VWA8: variants seen among roughly 807,000 people sequenced by gnomAD.
The protein encoded by VWA8 is von Willebrand factor A domain-containing protein 8.
VWA8 carries 221 observed loss-of-function variants against 241.5 expected under a neutral mutation model. The ratio of observed to expected loss-of-function variants is 0.91; its 90% CI spans 0.82 to 1.02. The LOEUF is 1.02. VWA8 is among the 50% of genes least tolerant of loss of function. The pLI is 0.00. For missense variants in VWA8, 2,322 were observed against 2,328.7 expected (o/e 1.00, Z 0.06); for synonymous variants, 852 against 827.1 (o/e 1.03, Z -0.52).
intron 37 of VWA8, among the ~76,000 whole-genome samples, chr13:41,661,407 C>T (rs2044949334): frequency 6.6e-6 from 1 of 152,086 alleles, no homozygotes; most frequent in Non-Finnish European, 1.5e-5. Flanking sequence ...GTTGGTAATG[C>T]TGCCTGGGCT....
chr13:41,644,832 T>C (rs556471358), intron 37 of VWA8, among the ~76,000 whole-genome samples: 3 of 152,272 alleles, frequency 2.0e-5, no homozygotes, highest in Non-Finnish European at 4.4e-5. Flanking sequence ...GTGATGTTTT[T>C]GTAACCAGAA....
chr13:41,631,839 C>T (rs117840756), intron 37 of VWA8, among the ~76,000 whole-genome samples: 178 of 152,254 alleles, frequency 1.2e-3, no homozygotes, highest in Non-Finnish European at 1.8e-3. Context: ...AAACAATTGG[C>T]ACAGCACTGG....
chr13:41,947,704 G>A (rs1877912646), intron 2 of VWA8, among the ~76,000 whole-genome samples: 1 of 152,090 alleles, frequency 6.6e-6, no homozygotes, highest in South Asian at 2.1e-4. Flanking sequence ...GGAGGCTGAG[G>A]TGGGCGGATC....
chr13:41,608,930 T>A (rs533947383), intron 39 of VWA8, among the ~76,000 whole-genome samples: 1 of 152,328 alleles, frequency 6.6e-6, no homozygotes, highest in South Asian at 2.1e-4. Context: ...AGGAACCCAC[T>A]TAGCAGCATT....
At chr13:41,798,588 T>G (rs1375967321) in intron 17 of VWA8, among the ~76,000 whole-genome samples, 1 of 152,230 alleles carries the variant, frequency 6.6e-6, no homozygotes, top group African/African-American at 2.4e-5. Flanking sequence ...CTGTGCAGTA[T>G]CATCACAATG....
chr13:41,694,423 A>G (rs546398817), intron 29 of VWA8, among the ~76,000 whole-genome samples: 2 of 152,160 alleles, frequency 1.3e-5, no homozygotes, highest in South Asian at 4.1e-4. Context: ...ATCATTCTGT[A>G]TAAGATATAA....
intron 26 of VWA8, among the ~76,000 whole-genome samples, chr13:41,706,158 C>T (rs1308401451): frequency 6.6e-6 from 1 of 152,188 alleles, no homozygotes; most frequent in Non-Finnish European, 1.5e-5. Flanking sequence ...AGTAACTTTG[C>T]TCAACTTTCA....
chr13:41,751,412 G>C (rs980913334), intron 21 of VWA8, among the ~76,000 whole-genome samples: 2 of 152,140 alleles, frequency 1.3e-5, no homozygotes, highest in Non-Finnish European at 2.9e-5. Flanking sequence ...GCTGACATTG[G>C]ACAGGGCTCC....
chr13:41,702,949 T>C (rs1177245077), intron 27 of VWA8, among the ~76,000 whole-genome samples: 1 of 152,160 alleles, frequency 6.6e-6, no homozygotes, highest in Non-Finnish European at 1.5e-5. Context: ...CGGACAGTTC[T>C]TTACTTTACT....
chr13:41,729,420 A>C, intron 23 of VWA8, 122 bp downstream of exon 23: 1 of 960,152 alleles, frequency 1.0e-6, no homozygotes, highest in Non-Finnish European at 1.5e-6. Flanking sequence ...AATACAGGCA[A>C]CTTAAGTCAT....
chr13:41,907,602 G>C lies in VWA8; in HGVS notation c.467C>G (p.Ala156Gly). 1 of 1,614,144 alleles carries C rather than the reference G, an allele frequency of 6.2e-7. No homozygotes were observed. The highest frequency in any genetic ancestry group is 1.1e-5 in the South Asian group (1 of 91,088). The change falls in exon 4 of 45, where the codon GCC (alanine) becomes GGC (glycine). Residue 156 changes from alanine to glycine, a missense_variant. Transcript: ENST00000379310. ...AGAACTTGCCTGATCAATGTAAAAG[G>C]CTGTGCCTGCACGGATCTCTCGTCG... ...KQRREIRAGTAFYIDQCAVRA... is the reference protein window; with the variant it reads ...KQRREIRAGTGFYIDQCAVRA...
chr13:41,766,516 T>C (rs560618814), intron 20 of VWA8, among the ~76,000 whole-genome samples: 2 of 152,282 alleles, frequency 1.3e-5, no homozygotes, highest in South Asian at 4.1e-4. Context: ...TCTGTGACTC[T>C]CACTCAAACA....
intron 9 of VWA8, among the ~76,000 whole-genome samples, chr13:41,874,472 G>A (rs1873803794): frequency 6.6e-6 from 1 of 152,018 alleles, no homozygotes; most frequent in Non-Finnish European, 1.5e-5. Flanking sequence ...AAGCTGATAA[G>A]CAACTTCAGC....
chr13:41,853,969 A>G (rs1373703340), intron 12 of VWA8, among the ~76,000 whole-genome samples: 2 of 151,894 alleles, frequency 1.3e-5, no homozygotes, highest in African/African-American at 4.9e-5. Flanking sequence ...ATTCCAAGAT[A>G]TACATGTTTT....
rs77311319 is a variant in VWA8 at position 41,889,933 on chromosome 13, C to T, written c.651+1487G>A. On this transcript the variant is annotated intron_variant, in intron 5 of 44. Transcript: ENST00000379310. ...AAGCATCTAAAGAGAAAACGTTCTG[C>T]ATAATAGCCTTTTAAAAAATAAAGT... Among the ~76,000 whole-genome samples, 262 of 152,282 alleles carry T rather than the reference C, an allele frequency of 1.7e-3. 2 individuals are homozygous for T. The highest frequency in any genetic ancestry group is 5.8e-3 in the African/African-American group (241 of 41,562).
At chr13:41,683,747 T>C (rs1171316647) in intron 35 of VWA8, among the ~76,000 whole-genome samples, 1 of 152,084 alleles carries the variant, frequency 6.6e-6, no homozygotes. Context: ...GGATGGGATA[T>C]TGGTAACAGA....
At chr13:41,755,115 G>C (rs1283033842) in intron 21 of VWA8, among the ~76,000 whole-genome samples, 3 of 151,894 alleles carry the variant, frequency 2.0e-5, no homozygotes, top group Non-Finnish European at 4.4e-5. Context: ...TCTTTCTTGT[G>C]GGTATATACC....
intron 20 of VWA8, 99 bp downstream of exon 20, chr13:41,777,886 T>G: frequency 9.7e-7 from 1 of 1,033,980 alleles, no homozygotes; most frequent in Non-Finnish European, 1.4e-6. Flanking sequence ...AGTCATTTAA[T>G]AGGGGAAAAA....
At chr13:41,741,505 T>C (rs11840051) in intron 21 of VWA8, among the ~76,000 whole-genome samples, 2,127 of 152,324 alleles carry the variant, frequency 0.014, 45 homozygotes, top group African/African-American at 0.048. Context: ...TATTGTTCTA[T>C]AGAAAGCACT....
Sources: gnomAD v4.1 joint callset for allele counts (sites outside exome capture counted in the v4.1 genomes callset) on GRCh38, gnomAD v4.1.1 for gene constraint, MANE v1.5 for transcripts, NCBI Gene and HGNC (gene_info 2026-07-23, HGNC 2026-07-21) for gene names.